Variants in RPS2 observed in about 807,000 individuals in gnomAD.
RPS2 encodes small ribosomal subunit protein uS5.
In RPS2, 8 loss-of-function variants were observed where a neutral mutation model predicts 25.3. The observed-to-expected ratio is 0.32, with a 90% confidence interval of 0.19 to 0.57. The LOEUF (loss-of-function observed/expected upper bound fraction) is 0.57, where lower values mean the gene tolerates loss of function less well. Ranked by LOEUF, RPS2 falls within the 20% of genes least tolerant of loss-of-function variation. RPS2 has a pLI of 0.90. For missense variants in RPS2, 229 were observed against 408.1 expected, an observed-to-expected ratio of 0.56 and a Z score of 3.78; for synonymous variants, 181 against 161.3, an observed-to-expected ratio of 1.12 and a Z score of -0.92.
chr16:1,963,880 T>TC (rs1185519179), intron 3 of RPS2: 4 of 428,708 alleles, frequency 9.3e-6, no homozygotes, highest in South Asian at 6.6e-5. Flanking sequence ...CATTAGCCTT[T>TC]CCCCACTGCA....
At chr16:1,963,844 G>A (rs142915293) in intron 3 of RPS2, 2 of 446,962 alleles carry the variant, frequency 4.5e-6, no homozygotes, top group East Asian at 1.4e-4. Context: ...ACCTTGCTAG[G>A]GCGAACGCTC....
At position 1,964,786 on chromosome 16, in the gene RPS2, G is replaced by C. The variant is rs180831213; in HGVS notation, c.-4+21C>G. 2.3e-3 allele frequency: 1,287 copies of C among 551,848 alleles called. 2 individuals are homozygous for C. Among genetic ancestry groups the C allele is most frequent in the Admixed American group, 4.2e-3 (111 of 26,700 alleles). 34.2% of individuals were successfully genotyped at this position (551,848 alleles called of 1,614,324 possible). ...CCCGCCGCCCACGCAGAGGCCCGCT[G>C]CAGCGACCAACAGGACTCACGTGTT... On this transcript the variant is annotated intron_variant, in intron 1 of 6. Coordinates refer to ENST00000343262, the MANE Select transcript of RPS2 (RefSeq NM_002952.4).
At position 1,964,801 on chromosome 16, in the gene RPS2, A is replaced by G; in HGVS notation, c.-4+6T>C. 1.8e-6 allele frequency: 1 copy of G among 542,028 alleles called. No homozygotes were observed. 33.6% of individuals were successfully genotyped at this position (542,028 alleles called of 1,614,324 possible). A position where few individuals can be genotyped will look rare whatever the true frequency, so the allele number is the denominator to read the frequency against. On this transcript the variant is annotated splice_donor_region_variant and intron_variant, in intron 1 of 6. Coordinates refer to ENST00000343262, the MANE Select transcript of RPS2 (RefSeq NM_002952.4). ...GAGGCCCGCTGCAGCGACCAACAGG[A>G]CTCACGTGTTTTGTCGGAAAAGAAG...
chr16:1,962,553 C>A lies in RPS2; in HGVS notation c.653G>T (p.Gly218Val). Residue 218 changes from glycine to valine, a missense_variant, in exon 6 of 7, where the codon GGT (glycine) becomes GTT (valine). This residue lies in a region of RPS2 where 79 missense variants were observed against 159.0 expected (regional missense o/e 0.50). Coordinates refer to ENST00000343262, the MANE Select transcript of RPS2 (RefSeq NM_002952.4). ...GGCTGAGGTGTAGCAGTCATCGATA[C>A]CAGCCATCATGAGCAGCTTCTTAGG... ...PVPKKLLMMA[G>V]IDDCYTSARG... The A allele has an allele frequency of 6.2e-7, 1 of 1,611,602 alleles. No homozygotes were observed. The highest frequency in any genetic ancestry group is 2.2e-5 in the East Asian group (1 of 44,882).
chr16:1,963,815 G>A (rs1421404087), intron 3 of RPS2: 5 of 458,214 alleles, frequency 1.1e-5, no homozygotes. Flanking sequence ...TCCAGCTTTG[G>A]CCTAGCCATG....
rs750747192 is a variant in RPS2, at chr16:1,964,802, C to T, written c.-4+5G>A. 1 of 543,488 alleles carries T rather than the reference C, an allele frequency of 1.8e-6. No homozygotes were observed. The highest frequency in any genetic ancestry group is 3.2e-6 in the Non-Finnish European group (1 of 312,952). 33.7% of individuals were successfully genotyped at this position (543,488 alleles called of 1,614,324 possible). A position where few individuals can be genotyped will look rare whatever the true frequency, so the allele number is the denominator to read the frequency against. ...AGGCCCGCTGCAGCGACCAACAGGACTCACGTGTTTTGTCGGAAAAGAAGA... is the reference window on the plus strand; with the variant it reads ...AGGCCCGCTGCAGCGACCAACAGGATTCACGTGTTTTGTCGGAAAAGAAGA... On this transcript the variant is annotated splice_donor_5th_base_variant and intron_variant, in intron 1 of 6. Transcript: ENST00000343262.
At chr16:1,963,126 C>A (rs1281759959) in intron 4 of RPS2, 23 bp downstream of exon 4, 2 of 1,572,934 alleles carry the variant, frequency 1.3e-6, no homozygotes, top group Non-Finnish European at 8.7e-7. Context: ...CCCAGCGCAG[C>A]CCCCTCCAGG....
At chr16:1,962,979 T>C in intron 4 of RPS2, 70 bp from the exon 5 acceptor site, 1 of 1,534,432 alleles carries the variant, frequency 6.5e-7, no homozygotes, top group Non-Finnish European at 8.9e-7. Context: ...CAGGGCCTGT[T>C]GCACCCCTCA....
In RPS2 at chr16:1,962,883, A is replaced by T; in HGVS notation, c.402T>A (p.Asn134Lys). Residue 134 changes from asparagine (N) to lysine (K), a missense_variant, in exon 5 of 7, where the codon AAT becomes AAA. By Grantham distance (94) the Asn-to-Lys change is moderately conservative. This residue lies in a region of RPS2 where 15 missense variants were observed against 18.4 expected (regional missense o/e 0.81). Coordinates refer to ENST00000343262, the MANE Select transcript of RPS2 (RefSeq NM_002952.4). The stretch of plus-strand genomic sequence containing the variant: ...ACTTAACACCCAGACCGACGTGGCC[A>T]TTGTAGTCCCCGATAGCAACAAATG... ...FKAFVAIGDY[N>K]GHVGLGVKCS... 1 of 1,602,198 alleles carries T rather than the reference A, an allele frequency of 6.2e-7. No individual in the cohort carries two copies.
Position 1,962,220 on chromosome 16 carries a change from CG to C in RPS2, c.759del (p.Asp254ThrfsTer48). 1.2e-6 allele frequency: 2 copies of C among 1,610,288 alleles called. No homozygotes were observed. On this transcript the variant is annotated frameshift_variant, in exon 7 of 7. Transcript: ENST00000343262. LOFTEE classifies it high-confidence loss of function. The part of the protein sequence containing the change: ...AISKTYSYLT[P>X]DLWKETVFTK... ...GTGAATACAGTCTCCTTCCAGAGGT[CG>C]GGGGTCAGGTAGCTGTAGGTCTTAG... is the stretch of plus-strand genomic sequence containing the variant.
At chr16:1,963,295 A>C (rs1333048207) in intron 3 of RPS2, 39 bp from the exon 4 acceptor site, 2 of 1,351,238 alleles carry the variant, frequency 1.5e-6, no homozygotes, top group African/African-American at 1.5e-5. Context: ...AGCATTAAAA[A>C]AAAACTTAAT....
chr16:1,964,193 C>T, intron 3 of RPS2, 83 bp downstream of exon 3: 1 of 1,020,008 alleles, frequency 9.8e-7, no homozygotes, highest in Non-Finnish European at 1.5e-6. Context: ...TAATGCGAGT[C>T]AATGGCAGAT....
At position 1,963,142 on chromosome 16, in the gene RPS2, CG is replaced by C; in HGVS notation, c.375+6del. The stretch of plus-strand genomic sequence containing the variant: ...CCAGCGCAGCCCCCTCCAGGACAGC[CG>C]GGTACCTTGAACCTGGTGCGCTGGC... On this transcript the variant is annotated splice_donor_region_variant and intron_variant, in intron 4 of 6. Transcript: ENST00000343262. The C allele has an allele frequency of 6.2e-7, 1 of 1,605,316 alleles. No individual in the cohort carries two copies. Among genetic ancestry groups the C allele is most frequent in the South Asian group, 1.1e-5 (1 of 90,752 alleles).
At chr16:1,963,084 CAACTAT>C in intron 4 of RPS2, 59 bp downstream of exon 4, 2 of 1,419,654 alleles carry the variant, frequency 1.4e-6, no homozygotes, top group Non-Finnish European at 2.0e-6. Context: ...AAGCCAAGTG[CAACTAT>C]GCAGAGCCGA....
In RPS2 at chr16:1,963,197, A is replaced by G. The variant is rs138856363; in HGVS notation, c.327T>C (p.Ile109=). The G allele has an allele frequency of 2.5e-3, 3,963 of 1,578,860 alleles. 136 individuals are homozygous for G. In the East Asian group the frequency reaches 0.075, roughly 30 times the overall value. ...GASLKDEVLK[I]MPVQKQTRAG... is the part of the protein sequence containing the mutation. ...CACGGGTCTGCTTCTGCACTGGCAT[A>G]ATCTTCAAAACCTCATCCTTGAGAG... Residue 109 remains isoleucine, a synonymous_variant, in exon 4 of 7, where the codon ATT becomes ATC. Transcript: ENST00000343262.
intron 3 of RPS2, 74 bp from the exon 4 acceptor site, chr16:1,963,330 A>C: frequency 1.0e-6 from 1 of 996,362 alleles, no homozygotes; most frequent in Non-Finnish European, 1.5e-6. Context: ...CAAGAACCAA[A>C]GTCACGGCCG....
rs140783691 is a variant in RPS2, at chr16:1,962,142, C to A, written c.838G>T (p.Val280Phe). The stretch of plus-strand genomic sequence containing the variant: ...GGAGCCTGAGTCCGCTGCACGGAGA[C>A]TCTGGTGTGGGTCTTGACGAGGTGG... ...TDHLVKTHTR[V>F]SVQRTQAPAV... The change falls in exon 7 of 7, where the codon GTC becomes TTC. Residue 280 changes from valine (V) to phenylalanine (F), a missense_variant. Physicochemically the swap from Val to Phe is conservative, Grantham distance 50. This residue lies in a region of RPS2 where 32 missense variants were observed against 29.4 expected (regional missense o/e 1.09). Coordinates refer to ENST00000343262, the MANE Select transcript of RPS2 (RefSeq NM_002952.4). 3 of 1,586,866 alleles carry A rather than the reference C, an allele frequency of 1.9e-6. No homozygotes were observed. Among genetic ancestry groups the A allele is most frequent in the Non-Finnish European group, 2.6e-6 (3 of 1,174,062 alleles).
chr16:1,964,126 T>C (rs2083285020), intron 3 of RPS2, 150 bp downstream of exon 3: 1 of 649,404 alleles, frequency 1.5e-6, no homozygotes, highest in South Asian at 1.9e-5. Flanking sequence ...AGTGGAATCC[T>C]CTCCTCAGCC....
chr16:1,962,286 AC>A lies in RPS2; in HGVS notation c.710-17del. 1.2e-6 allele frequency: 2 copies of A among 1,611,384 alleles called. No individual in the cohort carries two copies. The highest frequency in any genetic ancestry group is 1.7e-6 in the Non-Finnish European group (2 of 1,177,898). On this transcript the variant is annotated splice_polypyrimidine_tract_variant and intron_variant, in intron 6 of 6. Transcript: ENST00000343262. ...GTGGCCTTGGCTGCAAAACAAAAGA[AC>A]CCCAGGAGGGTCAGTGGTGTGCTTG...
Sources: gnomAD v4.1 joint callset for allele counts on GRCh38, gnomAD v4.1.1 for gene constraint, gnomAD v4.1.1 regional missense constraint, MANE v1.5 for transcripts, NCBI Gene and HGNC (gene_info 2026-07-23, HGNC 2026-07-21) for gene names.